Variants in SLC4A8 observed in about 807,000 individuals in gnomAD.
The protein encoded by SLC4A8 is electroneutral sodium bicarbonate exchanger 1.
SLC4A8 carries 40 observed loss-of-function variants against 125.0 expected under a neutral mutation model. The ratio of observed to expected loss-of-function variants is 0.32; its 90% confidence interval spans 0.25 to 0.42. The LOEUF (loss-of-function observed/expected upper bound fraction) is 0.42. Among genes scored for constraint, SLC4A8 ranks in the 10% least tolerant of loss-of-function variants. SLC4A8 has a pLI of 1.00. For missense variants in SLC4A8, 863 were observed against 1,355.1 expected (o/e 0.64, Z 5.70); for synonymous variants, 456 against 476.0 (o/e 0.96, Z 0.55).
chr12:51,441,817 C>T (rs539299508), intron 2 of SLC4A8, among the ~76,000 whole-genome samples: 1 of 152,302 alleles, frequency 6.6e-6, no homozygotes, highest in South Asian at 2.1e-4. Context: ...TAGAGGCTGA[C>T]TCAGCCTCTG....
At chr12:51,419,922 C>T (rs1948751277), upstream of SLC4A8, among the ~76,000 whole-genome samples, 1 of 152,224 alleles carries the variant, frequency 6.6e-6, no homozygotes, top group Non-Finnish European at 1.5e-5. Flanking sequence ...TTTTGTGGCG[C>T]CTCAGACTCT....
intron 1 of SLC4A8, among the ~76,000 whole-genome samples, chr12:51,393,687 G>T (rs1439784640): frequency 2.6e-5 from 4 of 152,132 alleles, no homozygotes; most frequent in African/African-American, 9.7e-5. Context: ...ATTCTCCCAG[G>T]AGTAGAAAGG....
At chr12:51,471,689 G>A in intron 14 of SLC4A8, 157 bp downstream of exon 14, 3 of 752,056 alleles carry the variant, frequency 4.0e-6, no homozygotes, top group Non-Finnish European at 6.4e-6. Context: ...TTGGAGGGCT[G>A]CCAGAGGAGA....
intron 1 of SLC4A8, among the ~76,000 whole-genome samples, chr12:51,395,618 G>A (rs1296359898): frequency 6.6e-6 from 1 of 152,174 alleles, no homozygotes; most frequent in African/African-American, 2.4e-5. Flanking sequence ...CTGCCCTTCA[G>A]GGGGAGGTGC....
chr12:51,497,278 AG>A, intron 22 of SLC4A8, 154 bp downstream of exon 22: 1 of 828,364 alleles, frequency 1.2e-6, no homozygotes, highest in East Asian at 2.8e-5. Context: ...AGAATGGATT[AG>A]GGATTCTTGC....
chr12:51,426,426 C>A (rs948039191), intron 1 of SLC4A8, among the ~76,000 whole-genome samples: 4 of 152,100 alleles, frequency 2.6e-5, no homozygotes, highest in African/African-American at 9.7e-5. Flanking sequence ...TATTTTTAAT[C>A]AAATATCACA....
intron 1 of SLC4A8, among the ~76,000 whole-genome samples, chr12:51,399,785 C>A (rs1235890727): frequency 1.3e-5 from 2 of 152,082 alleles, no homozygotes; most frequent in East Asian, 1.9e-4. Flanking sequence ...AGATTGAGAT[C>A]ATCTTGGCCA....
intron 22 of SLC4A8, among the ~76,000 whole-genome samples, chr12:51,498,298 A>G (rs1347264586): frequency 6.6e-6 from 1 of 152,110 alleles, no homozygotes; most frequent in Admixed American, 6.5e-5. Context: ...TTATAAATTA[A>G]TAAGAATAAT....
Position 51,504,117 on chromosome 12 carries a change from G to A in SLC4A8, c.3170G>A (p.Cys1057Tyr). Reference protein sequence around the residue: ...LLSSPGKNISCRCDPSEINIS... With the variant: ...LLSSPGKNISYRCDPSEINIS... Reference sequence around the variant, plus strand: ...AGTAGTCCTGGAAAGAACATCAGTTGCAGGTAAAACTTCCAAACACCAAGG... The same window carrying A: ...AGTAGTCCTGGAAAGAACATCAGTTACAGGTAAAACTTCCAAACACCAAGG... The change falls in exon 23 of 25, where the codon TGC (cysteine) becomes TAC (tyrosine). Residue 1057 changes from cysteine to tyrosine, a missense_variant. Physicochemically the swap from Cys to Tyr is radical, Grantham distance 194 (BLOSUM62 -2). This residue lies in a region of SLC4A8 where 92 missense variants were observed against 125.6 expected (regional missense o/e 0.73). Coordinates refer to ENST00000453097, the MANE Select transcript of SLC4A8 (RefSeq NM_001039960.3). 15 of 1,559,288 alleles carry A rather than the reference G, an allele frequency of 9.6e-6. No individual in the cohort carries two copies. Among genetic ancestry groups the A allele is most frequent in the Non-Finnish European group, 1.3e-5 (15 of 1,144,714 alleles).
chr12:51,459,378 C>T (rs1023291512), intron 7 of SLC4A8, among the ~76,000 whole-genome samples: 1 of 151,988 alleles, frequency 6.6e-6, no homozygotes. Flanking sequence ...TTTTAAAATC[C>T]GAACCTATAC....
intron 1 of SLC4A8, among the ~76,000 whole-genome samples, chr12:51,433,884 G>GTTTTTTTTT (rs1565772495): frequency 7.8e-4 from 56 of 72,190 alleles, no homozygotes; most frequent in Non-Finnish European, 9.5e-4. Flanking sequence ...TTTTTGGTTG[G>GTTTTTTTTT]TTTTTTTTTG....
At chr12:51,444,509 C>T (rs1949709188) in intron 2 of SLC4A8, among the ~76,000 whole-genome samples, 1 of 152,178 alleles carries the variant, frequency 6.6e-6, no homozygotes, top group South Asian at 2.1e-4. Context: ...TCCTACAGAA[C>T]CATTCAAGGC....
chr12:51,412,111 C>T (rs1217262744), intron 1 of SLC4A8, among the ~76,000 whole-genome samples: 2 of 152,110 alleles, frequency 1.3e-5, no homozygotes, highest in Non-Finnish European at 2.9e-5. Flanking sequence ...CTTATGACAA[C>T]AGCATGCCTT....
chr12:51,454,088 G>A (rs1950052676), intron 5 of SLC4A8, among the ~76,000 whole-genome samples: 1 of 152,220 alleles, frequency 6.6e-6, no homozygotes, highest in African/African-American at 2.4e-5. Context: ...CTTGAGCTCA[G>A]GAGTTCCAGG....
At chr12:51,500,805 G>C (rs1937835184) in intron 22 of SLC4A8, among the ~76,000 whole-genome samples, 1 of 150,336 alleles carries the variant, frequency 6.7e-6, no homozygotes, top group Non-Finnish European at 1.5e-5. Context: ...TCCTGCCTCA[G>C]CCTCCCGAGT....
At chr12:51,463,357 A>G (rs1950403784) in intron 10 of SLC4A8, among the ~76,000 whole-genome samples, 1 of 151,984 alleles carries the variant, frequency 6.6e-6, no homozygotes, top group Non-Finnish European at 1.5e-5. Flanking sequence ...TTCTCTTTCT[A>G]GGCAAGGCTT....
intron 1 of SLC4A8, among the ~76,000 whole-genome samples, chr12:51,438,911 CTATTTGTT>C (rs1451467412): frequency 1.3e-5 from 2 of 152,010 alleles, no homozygotes; most frequent in African/African-American, 4.8e-5. Flanking sequence ...TATTTGTTGA[CTATTTGTT>C]TGTCTTTTGA....
chr12:51,461,405 G>C, intron 9 of SLC4A8, 114 bp downstream of exon 9: 1 of 678,432 alleles, frequency 1.5e-6, no homozygotes, highest in African/African-American at 1.8e-5. Flanking sequence ...TGCAATATCT[G>C]CTGGGAAGTA....
intron 1 of SLC4A8, among the ~76,000 whole-genome samples, chr12:51,417,071 A>G (rs1033154313): frequency 3.9e-5 from 6 of 152,146 alleles, no homozygotes; most frequent in African/African-American, 1.4e-4. Flanking sequence ...GATCTTATCA[A>G]CTTGGACGAC....
Sources: gnomAD v4.1 joint callset for allele counts (sites outside exome capture counted in the v4.1 genomes callset) on GRCh38, gnomAD v4.1.1 for gene constraint, gnomAD v4.1.1 regional missense constraint, MANE v1.5 for transcripts, NCBI Gene and HGNC (gene_info 2026-07-23, HGNC 2026-07-21) for gene names.